PRICKLE2: variants seen among roughly 807,000 people sequenced by gnomAD.
PRICKLE2 encodes prickle-like protein 2.
PRICKLE2 carries 21 observed loss-of-function variants against 81.4 expected under a neutral mutation model. The ratio of observed to expected loss-of-function variants is 0.26; its 90% confidence interval spans 0.18 to 0.37. PRICKLE2 has a LOEUF of 0.37. Ranked by LOEUF, PRICKLE2 falls within the 10% of genes least tolerant of loss-of-function variation. The pLI is 1.00. For missense variants in PRICKLE2, 940 were observed against 1,109.0 expected (o/e 0.85, Z 2.16); for synonymous variants, 456 against 421.5 (o/e 1.08, Z -1.00).
chr3:64,197,499 C>A (rs1428851409), intron 2 of PRICKLE2, among the ~76,000 whole-genome samples: 1 of 152,084 alleles, frequency 6.6e-6, no homozygotes, highest in Non-Finnish European at 1.5e-5. Context: ...TAGACTCATA[C>A]ACACAATAGA....
At chr3:64,201,643 C>G (rs1575660225) in intron 1 of PRICKLE2, among the ~76,000 whole-genome samples, 2 of 152,028 alleles carry the variant, frequency 1.3e-5, no homozygotes, top group South Asian at 4.1e-4. Flanking sequence ...GGATACAAGT[C>G]CTTTATCAGA....
chr3:64,156,247 T>C (rs1220685469), intron 5 of PRICKLE2, among the ~76,000 whole-genome samples: 1 of 152,184 alleles, frequency 6.6e-6, no homozygotes, highest in Non-Finnish European at 1.5e-5. Context: ...TTCAAATTAG[T>C]TGAGCCTGAT....
At chr3:64,101,895 A>G (rs372661083) in intron 7 of PRICKLE2, 1 of 152,232 alleles carries the variant, frequency 6.6e-6, no homozygotes, top group African/African-American at 2.4e-5. Context: ...TAGTAACTAA[A>G]CAAAGGTAAA....
chr3:64,105,567 C>T lies in PRICKLE2; in HGVS notation c.1661-5642G>A, dbSNP rs115285582. 5.1e-3 allele frequency among the ~76,000 whole-genome samples: 775 copies of T among 152,334 alleles called. 6 individuals are homozygous for T. Among genetic ancestry groups the T allele is most frequent in the African/African-American group, 0.016 (663 of 41,584 alleles). ...AAAAAAATACCATGATCACACCTGT[C>T]AATCTCCATCTCTGGTGATTCATTA... On this transcript the variant is annotated intron_variant, in intron 7 of 7. Transcript: ENST00000638394.
rs138542192 is a variant in PRICKLE2, at chr3:64,254,540, TC to T, written c.129-55574del. 4.6e-3 allele frequency among the ~76,000 whole-genome samples: 694 copies of T among 152,308 alleles called. 6 individuals carry two copies. The highest frequency in any genetic ancestry group is 0.016 in the African/African-American group (663 of 41,568). ...AGGGACCCTCAATCTATTTCTCACT[TC>T]CTAACTGGCCAGGACTAATTATTAT... On this transcript the variant is annotated intron_variant, in intron 2 of 8. Transcript: ENST00000295902.
intron 2 of PRICKLE2, among the ~76,000 whole-genome samples, chr3:64,181,766 A>G (rs1436564438): frequency 2.0e-5 from 3 of 152,200 alleles, no homozygotes; most frequent in Non-Finnish European, 4.4e-5. Context: ...TAGTATTCAT[A>G]TGATTTTGTT....
rs531451436 is a variant in PRICKLE2 at position 64,142,332 on chromosome 3, G to T, written c.1660+4498C>A. On this transcript the variant is annotated intron_variant, in intron 7 of 7. Coordinates refer to ENST00000638394, the MANE Select transcript of PRICKLE2 (RefSeq NM_198859.4). Reference sequence around the variant, plus strand: ...TTCTTTCTTTTTTTTTTTTTTTTTAGACAGAGTTTTGCTCTGTCAAAAGGC... The same window carrying T: ...TTCTTTCTTTTTTTTTTTTTTTTTATACAGAGTTTTGCTCTGTCAAAAGGC... 4.2e-3 allele frequency among the ~76,000 whole-genome samples: 341 copies of T among 81,120 alleles called. 3 individuals are homozygous for T. Among genetic ancestry groups the T allele is most frequent in the Non-Finnish European group, 6.9e-3 (252 of 36,636 alleles). The allele number at this position is 81,120 out of a possible 152,430, so 53.2% of individuals were successfully genotyped here.
intron 6 of PRICKLE2, among the ~76,000 whole-genome samples, chr3:64,148,720 A>G (rs1026388902): frequency 6.6e-6 from 1 of 152,180 alleles, no homozygotes; most frequent in East Asian, 1.9e-4. Context: ...ACAGAGGCCC[A>G]AGGGAGCCTG....
chr3:64,099,528 C>A lies in PRICKLE2; in HGVS notation c.2058G>T (p.Arg686Ser). 6.2e-7 allele frequency: 1 copy of A among 1,608,378 alleles called. No individual in the cohort carries two copies. The highest frequency in any genetic ancestry group is 8.5e-7 in the Non-Finnish European group (1 of 1,175,358). Residue 686 changes from arginine (R) to serine (S), a missense_variant, in exon 8 of 8, where the codon AGG (arginine) becomes AGT (serine). Arg to Ser is a moderately radical substitution (Grantham distance 110). Coordinates refer to ENST00000638394, the MANE Select transcript of PRICKLE2 (RefSeq NM_198859.4). The surrounding 1 kb of genome is among the most constrained non-coding windows in gnomAD (Gnocchi z 4.3). ...RDDNRRFRPH[R>S]SRRSRRSRSD... is the part of the protein sequence containing the mutation. Reference sequence around the variant, plus strand: ...AGCGAGAGCGTCGGGAACGCCTGGACCTGTGAGGTCGGAAACGGCGGTTGT... The same window carrying A: ...AGCGAGAGCGTCGGGAACGCCTGGAACTGTGAGGTCGGAAACGGCGGTTGT...
At chr3:64,252,934 G>A (rs985102996) in intron 2 of PRICKLE2, among the ~76,000 whole-genome samples, 6 of 152,122 alleles carry the variant, frequency 3.9e-5, no homozygotes, top group South Asian at 4.1e-4. Flanking sequence ...AAAACTTTAC[G>A]AAAACAGGAT....
intron 2 of PRICKLE2, among the ~76,000 whole-genome samples, chr3:64,232,233 G>C (rs929560874): frequency 1.3e-5 from 2 of 152,160 alleles, no homozygotes; most frequent in African/African-American, 4.8e-5. Context: ...TTACTAACCA[G>C]ACTCTATGTG....
chr3:64,255,988 A>G (rs1235711368), intron 2 of PRICKLE2, among the ~76,000 whole-genome samples: 3 of 152,208 alleles, frequency 2.0e-5, no homozygotes, highest in Non-Finnish European at 4.4e-5. Flanking sequence ...AGGGCAGGAA[A>G]AAAGCAAGCT....
At chr3:64,179,004 TTTCTTTCTTTC>T (rs2078076098) in intron 2 of PRICKLE2, among the ~76,000 whole-genome samples, 1 of 149,260 alleles carries the variant, frequency 6.7e-6, no homozygotes, top group Non-Finnish European at 1.5e-5. Flanking sequence ...TCTTTCTTTC[TTTCTTTCTTTC>T]TTTCTTTCTT....
At chr3:64,121,190 A>AT (rs1326391170) in intron 7 of PRICKLE2, among the ~76,000 whole-genome samples, 2 of 152,148 alleles carry the variant, frequency 1.3e-5, no homozygotes, top group Non-Finnish European at 2.9e-5. Flanking sequence ...GCAAATCTTT[A>AT]TATCAATCCA....
intron 5 of PRICKLE2, among the ~76,000 whole-genome samples, chr3:64,156,369 G>A (rs1346255591): frequency 6.6e-6 from 1 of 152,200 alleles, no homozygotes; most frequent in African/African-American, 2.4e-5. Context: ...CTCCCACACT[G>A]CTATTTACAG....
At chr3:64,254,836 A>T (rs143177636) in intron 2 of PRICKLE2, among the ~76,000 whole-genome samples, 2 of 152,326 alleles carry the variant, frequency 1.3e-5, no homozygotes, top group African/African-American at 4.8e-5. Flanking sequence ...ATTTGAGTCC[A>T]ACTACCTGGG....
chr3:64,229,627 T>C (rs1357634223), upstream of PRICKLE2, among the ~76,000 whole-genome samples: 2 of 152,224 alleles, frequency 1.3e-5, no homozygotes, highest in African/African-American at 4.8e-5. Context: ...ACATCACTCA[T>C]CCTAGCTCAT....
intron 1 of PRICKLE2, among the ~76,000 whole-genome samples, chr3:64,221,420 TAC>T (rs71808412): frequency 0.32 from 45,798 of 143,454 alleles, 7,045 homozygotes; most frequent in East Asian, 0.41. Context: ...GCTTGATTCA[TAC>T]ACACACACAC....
At chr3:64,205,809 G>C (rs1261550452) in intron 1 of PRICKLE2, among the ~76,000 whole-genome samples, 6 of 152,068 alleles carry the variant, frequency 3.9e-5, no homozygotes, top group African/African-American at 7.2e-5. Context: ...CAGAAAACAG[G>C]GCTGCCCAAG....
Sources: gnomAD v4.1 joint callset for allele counts (sites outside exome capture counted in the v4.1 genomes callset) on GRCh38, gnomAD v4.1.1 for gene constraint, Gnocchi (gnomAD v3.1) non-coding constraint, MANE v1.5 for transcripts, NCBI Gene and HGNC (gene_info 2026-07-23, HGNC 2026-07-21) for gene names.